Variants in FAM91A1 observed in about 807,000 individuals in gnomAD.
The protein encoded by FAM91A1 is protein FAM91A1.
FAM91A1 carries 41 observed loss-of-function variants against 113.5 expected under a neutral mutation model. That is an observed-to-expected ratio of 0.36 (90% CI 0.28 to 0.47). FAM91A1 has a LOEUF of 0.47. Ranked by LOEUF, FAM91A1 falls within the 20% of genes least tolerant of loss-of-function variation. The pLI, the probability that FAM91A1 is intolerant of heterozygous loss-of-function variation, is 1.00. For synonymous variants in FAM91A1, 307 were observed against 347.9 expected, an observed-to-expected ratio of 0.88 and a Z score of 1.31; for missense variants, 696 against 1,001.2, an observed-to-expected ratio of 0.70 and a Z score of 4.11.
rs1239862977 is a variant in FAM91A1 at position 123,814,072 on chromosome 8, A to T, written c.*1368A>T. ...TTCAATACCATGGCCTATCTATAGA[A>T]TTGAATATTTTGGACCATGTTATCT... On this transcript the variant is annotated 3_prime_UTR_variant, in exon 24 of 24. Transcript: ENST00000334705. The T allele has an allele frequency of 2.9e-6, 1 of 343,452 alleles. No individual in the cohort carries two copies. The highest frequency in any genetic ancestry group is 5.4e-6 in the Non-Finnish European group (1 of 185,154). 21.3% of individuals were successfully genotyped at this position (343,452 alleles called of 1,614,324 possible).
chr8:123,776,895 C>G (rs1177506577), intron 3 of FAM91A1, among the ~76,000 whole-genome samples: 1 of 152,132 alleles, frequency 6.6e-6, no homozygotes, highest in East Asian at 1.9e-4. Context: ...GGAGCTGTGC[C>G]ACATTATTTG....
chr8:123,780,442 A>G (rs994741788), intron 7 of FAM91A1, 38 bp from the exon 8 acceptor site: 6 of 1,473,978 alleles, frequency 4.1e-6, no homozygotes, highest in Non-Finnish European at 5.7e-6. Context: ...ACTGTTGTGT[A>G]GTGTTCCATC....
rs1281835240 is a variant in FAM91A1 at position 123,775,315 on chromosome 8, G to A, written c.309+17G>A. 1.2e-6 allele frequency: 2 copies of A among 1,610,044 alleles called. No individual in the cohort carries two copies. The highest frequency in any genetic ancestry group is 1.7e-5 in the Admixed American group (1 of 59,630). Reference sequence around the variant, plus strand: ...ATTATGGAGGTGAGTTTACAGTGTGGGTGAGCCAGTGGGAATGGGATGGGA... The same window carrying A: ...ATTATGGAGGTGAGTTTACAGTGTGAGTGAGCCAGTGGGAATGGGATGGGA... On this transcript the variant is annotated intron_variant, in intron 3 of 23. Coordinates refer to ENST00000334705, the MANE Select transcript of FAM91A1 (RefSeq NM_144963.4).
intron 2 of FAM91A1, 58 bp downstream of exon 2, chr8:123,774,222 A>G: frequency 7.5e-7 from 1 of 1,342,252 alleles, no homozygotes; most frequent in Admixed American, 2.1e-5. Flanking sequence ...TCACATTCGT[A>G]AATCTTTCTT....
At position 123,780,093 on chromosome 8, in the gene FAM91A1, A is replaced by G. The variant is rs762743059; in HGVS notation, c.640+18A>G. 6.3e-7 allele frequency: 1 copy of G among 1,597,848 alleles called. No individual in the cohort carries two copies. The highest frequency in any genetic ancestry group is 1.3e-5 in the African/African-American group (1 of 74,254). The stretch of plus-strand genomic sequence containing the variant: ...AGTACATAGTAAGTGGTTAGTAGAA[A>G]TGGTCTTTTGTCAACATAAAAACTT... On this transcript the variant is annotated intron_variant, in intron 7 of 23. Transcript: ENST00000334705.
Position 123,814,187 on chromosome 8 carries a change from A to C in FAM91A1, c.*1483A>C. ...AGAAGGTAGAAACCATGTGTATGTT[A>C]TGTTTGTCTATAAAAGAAAAAATAC... On this transcript the variant is annotated 3_prime_UTR_variant, in exon 24 of 24. Coordinates refer to ENST00000334705, the MANE Select transcript of FAM91A1 (RefSeq NM_144963.4). 2.6e-6 allele frequency: 1 copy of C among 391,512 alleles called. No individual in the cohort carries two copies. The highest frequency in any genetic ancestry group is 4.9e-6 in the Non-Finnish European group (1 of 206,148). The allele number at this position is 391,512 out of a possible 1,614,324, so 24.3% of individuals were successfully genotyped here.
intron 18 of FAM91A1, among the ~76,000 whole-genome samples, chr8:123,801,048 A>T (rs1469214159): frequency 2.0e-5 from 3 of 152,110 alleles, no homozygotes; most frequent in Non-Finnish European, 2.9e-5. Context: ...ATGTATAGGG[A>T]TGGAATTACT....
chr8:123,782,118 T>TTATG (rs1468635922), intron 8 of FAM91A1, among the ~76,000 whole-genome samples: 2 of 152,206 alleles, frequency 1.3e-5, no homozygotes, highest in Non-Finnish European at 2.9e-5. Context: ...TTAATATTAC[T>TTATG]TATGGCTAAA....
chr8:123,808,196 C>T, intron 20 of FAM91A1, 76 bp from the exon 21 acceptor site: 1 of 1,115,058 alleles, frequency 9.0e-7, no homozygotes, highest in Non-Finnish European at 1.3e-6. Context: ...AAGTCTTTTC[C>T]ATGTTAGGAC....
intron 1 of FAM91A1, among the ~76,000 whole-genome samples, chr8:123,772,483 C>G (rs531180012): frequency 3.3e-5 from 5 of 151,896 alleles, no homozygotes; most frequent in Admixed American, 2.6e-4. Context: ...AGTAGTTTCT[C>G]TACAATGAGA....
chr8:123,799,382 A>C (rs1428102376), intron 16 of FAM91A1, 138 bp from the exon 17 acceptor site: 1 of 750,532 alleles, frequency 1.3e-6, no homozygotes, highest in African/African-American at 1.8e-5. Context: ...AACTATTTTA[A>C]TGAAACATTT....
intron 18 of FAM91A1, among the ~76,000 whole-genome samples, chr8:123,804,106 G>A (rs1206460580): frequency 1.3e-5 from 2 of 152,128 alleles, no homozygotes; most frequent in African/African-American, 4.8e-5. Context: ...TTTGTAACAT[G>A]AGAGTGAAGT....
intron 6 of FAM91A1, among the ~76,000 whole-genome samples, chr8:123,779,304 A>AGT (rs1264169213): frequency 6.6e-6 from 1 of 152,174 alleles, no homozygotes; most frequent in African/African-American, 2.4e-5. Context: ...AATCACTGCA[A>AGT]AGAACTGTTG....
chr8:123,787,277 A>G lies in FAM91A1; in HGVS notation c.1095A>G (p.Val365=). ...SQEDPADTAS[V]SSLSLSTGHT... is the part of the protein sequence containing the mutation. ...GTTTTTCAGCTGACACAGCCAGTGTAAGCAGCCTGAGTCTGTCTACAGGAC... is the reference window on the plus strand; with the variant it reads ...GTTTTTCAGCTGACACAGCCAGTGTGAGCAGCCTGAGTCTGTCTACAGGAC... Residue 365 remains valine (V), a synonymous_variant, in exon 13 of 24, where the codon GTA becomes GTG. Transcript: ENST00000334705. The G allele has an allele frequency of 6.2e-7, 1 of 1,610,594 alleles. No individual in the cohort carries two copies. The highest frequency in any genetic ancestry group is 1.1e-5 in the South Asian group (1 of 90,870).
intron 15 of FAM91A1, among the ~76,000 whole-genome samples, chr8:123,791,479 C>T (rs1815384567): frequency 6.6e-6 from 1 of 151,996 alleles, no homozygotes; most frequent in African/African-American, 2.4e-5. Flanking sequence ...TGAAAATAGT[C>T]CTGTGCAATC....
Position 123,808,690 on chromosome 8 carries a change from T to A in FAM91A1, c.2138-203T>A, listed in dbSNP as rs1490521517. On this transcript the variant is annotated intron_variant, in intron 21 of 23. Coordinates refer to ENST00000334705, the MANE Select transcript of FAM91A1 (RefSeq NM_144963.4). ...AGCTATGTACCTTCTCAGACACATG[T>A]TTATACCCTAAAAATGCCTATCCTG... 8 of 529,432 alleles carry A rather than the reference T, an allele frequency of 1.5e-5. No homozygotes were observed. In the East Asian group the frequency reaches 2.5e-4, roughly 17 times the overall value. The allele number at this position is 529,432 out of a possible 1,614,324, so 32.8% of individuals were successfully genotyped here. A position where few individuals can be genotyped will look rare whatever the true frequency, so the allele number is the denominator to read the frequency against.
intron 23 of FAM91A1, chr8:123,811,533 G>T (rs186737170): frequency 2.3e-4 from 35 of 152,274 alleles, no homozygotes; most frequent in Admixed American, 2.1e-3. Flanking sequence ...TTGGAGATAG[G>T]TTGATAAAAC....
chr8:123,797,649 G>A (rs1425348025), intron 15 of FAM91A1, among the ~76,000 whole-genome samples: 1 of 152,062 alleles, frequency 6.6e-6, no homozygotes, highest in African/African-American at 2.4e-5. Context: ...TGTATTAACT[G>A]TTCGTATTAT....
At chr8:123,796,091 C>A (rs1815512678) in intron 15 of FAM91A1, among the ~76,000 whole-genome samples, 1 of 152,178 alleles carries the variant, frequency 6.6e-6, no homozygotes, top group South Asian at 2.1e-4. Context: ...GCAGAACCCG[C>A]ATGTGTTCAA....
Sources: allele counts gnomAD v4.1 joint callset (sites outside exome capture counted in the v4.1 genomes callset), GRCh38; gene constraint gnomAD v4.1.1; transcripts MANE v1.5; gene names NCBI Gene and HGNC (gene_info 2026-07-23, HGNC 2026-07-21).